The following KBTBD12 variants were observed in gnomAD, a reference collection of about 807,000 sequenced individuals.
KBTBD12 encodes kelch repeat and BTB domain containing 12.
A neutral mutation model predicts 58.7 loss-of-function variants in KBTBD12; 53 were observed. That is an observed-to-expected ratio of 0.90 (90% CI 0.72 to 1.14). KBTBD12 has a LOEUF of 1.14. KBTBD12 is among the 50% of genes most tolerant of loss of function. The pLI is 0.00. For synonymous variants in KBTBD12, 236 were observed against 259.8 expected (o/e 0.91, Z 0.88); for missense variants, 704 against 751.3 (o/e 0.94, Z 0.74).
At chr3:127,945,246 A>G (rs1940054160) in intron 4 of KBTBD12, among the ~76,000 whole-genome samples, 2 of 121,120 alleles carry the variant, frequency 1.7e-5, no homozygotes, top group South Asian at 5.7e-4. Flanking sequence ...GTGCAGTGGC[A>G]TGATCTCGGC....
chr3:127,928,035 G>A lies in KBTBD12; in HGVS notation c.1341+1G>A, dbSNP rs1252830933. The A allele has an allele frequency of 2.5e-6, 4 of 1,612,424 alleles. No homozygotes were observed. The Admixed American group carries it at 5.0e-5, about 20-fold the overall frequency. On this transcript the variant is annotated splice_donor_variant, in intron 3 of 5. Transcript: ENST00000405109. LOFTEE classifies it high-confidence loss of function. ...TGTAATTGGAGGCTGGACCCCTCAGGTTAAGAAATTTCCTGTATACATAAT... is the reference window on the plus strand; with the variant it reads ...TGTAATTGGAGGCTGGACCCCTCAGATTAAGAAATTTCCTGTATACATAAT...
rs765184230 is a variant in KBTBD12 at position 127,984,203 on chromosome 3, C to T, written c.1797C>T (p.Cys599=). The T allele has an allele frequency of 6.2e-7, 1 of 1,613,946 alleles. No individual in the cohort carries two copies. The highest frequency in any genetic ancestry group is 1.1e-5 in the South Asian group (1 of 91,080). Residue 599 remains cysteine, a synonymous_variant, in exon 6 of 6, where the codon TGC becomes TGT. Transcript: ENST00000405109. Reference sequence around the variant, plus strand: ...TCATGCATGACAGCTATGATGTCTGCCTAGTAGCCAGGATGAATCCCCGAG... The same window carrying T: ...TCATGCATGACAGCTATGATGTCTGTCTAGTAGCCAGGATGAATCCCCGAG... ...NVLMHDSYDV[C]LVARMNPRDL...
chr3:127,950,499 G>T (rs905353166), intron 4 of KBTBD12, among the ~76,000 whole-genome samples: 4 of 152,150 alleles, frequency 2.6e-5, no homozygotes, highest in Non-Finnish European at 1.5e-5. Context: ...GACTAATAAT[G>T]TCCATTGAAG....
At chr3:127,922,838 G>A in intron 1 of KBTBD12, 112 bp from the exon 2 acceptor site, 1 of 396,686 alleles carries the variant, frequency 2.5e-6, no homozygotes, top group Non-Finnish European at 4.5e-6. Flanking sequence ...AAACTGCTCT[G>A]CTTGGAGTGA....
At chr3:127,973,934 C>T (rs990241077) in intron 5 of KBTBD12, among the ~76,000 whole-genome samples, 2 of 152,164 alleles carry the variant, frequency 1.3e-5, no homozygotes, top group Non-Finnish European at 2.9e-5. Context: ...CCGTGCCCCC[C>T]AGCCACACCC....
intron 5 of KBTBD12, among the ~76,000 whole-genome samples, chr3:127,982,347 C>T (rs959547827): frequency 6.6e-6 from 1 of 152,190 alleles, no homozygotes; most frequent in Non-Finnish European, 1.5e-5. Context: ...GCTGTGCACA[C>T]GAGCCAGCCC....
At chr3:127,924,482 A>G (rs987633088) in intron 2 of KBTBD12, among the ~76,000 whole-genome samples, 3 of 151,560 alleles carry the variant, frequency 2.0e-5, no homozygotes. Flanking sequence ...TTGAATTTGC[A>G]TAAGTTAAAT....
intron 3 of KBTBD12, among the ~76,000 whole-genome samples, chr3:127,928,610 A>AGGGGTGTGTGTG (rs1160284009): frequency 6.6e-6 from 1 of 152,244 alleles, no homozygotes; most frequent in Non-Finnish European, 1.5e-5. Context: ...GTGAAAAGTC[A>AGGGGTGTGTGTG]GGGGTGTGTG....
intron 5 of KBTBD12, among the ~76,000 whole-genome samples, chr3:127,977,593 AT>A (rs746011039): frequency 3.3e-4 from 50 of 152,162 alleles, no homozygotes; most frequent in Non-Finnish European, 6.2e-4. Flanking sequence ...GATATTAAGC[AT>A]TTTTAATATG....
At position 127,984,262 on chromosome 3, in the gene KBTBD12, A is replaced by G; in HGVS notation, c.1856A>G (p.Glu619Gly). 6.2e-7 allele frequency: 1 copy of G among 1,613,722 alleles called. No homozygotes were observed. ...LIPPPSDLVE[E>G]GNEH ...CCCCCGCCTTCAGATTTGGTGGAAG[A>G]AGGCAATGAGCACTAAGGTGACCTT... is the stretch of plus-strand genomic sequence containing the variant. The change falls in exon 6 of 6, where the codon GAA becomes GGA. Residue 619 changes from glutamate to glycine, a missense_variant. Transcript: ENST00000405109.
At position 127,962,849 on chromosome 3, in the gene KBTBD12, A is replaced by G. The variant is rs138919379; in HGVS notation, c.1493-340A>G. ...CAACAGCAAGGCAGATGTCAAAGTC[A>G]GGTTACCTTTACAGTCAACCCTGAA... On this transcript the variant is annotated intron_variant, in intron 4 of 5. Transcript: ENST00000405109. Among the ~76,000 whole-genome samples the G allele has an allele frequency of 2.2e-3, 342 of 152,356 alleles. 1 individual carries two copies. The highest frequency in any genetic ancestry group is 7.6e-3 in the African/African-American group (314 of 41,576).
At chr3:127,971,860 A>G (rs1307309519) in intron 5 of KBTBD12, among the ~76,000 whole-genome samples, 1 of 152,090 alleles carries the variant, frequency 6.6e-6, no homozygotes, top group Non-Finnish European at 1.5e-5. Context: ...CAGCCCCTCC[A>G]AATCTTCCTT....
In KBTBD12 at chr3:127,918,439, G is replaced by C. The variant is rs189808811; in HGVS notation, c.-113+2853G>C. Among the ~76,000 whole-genome samples the C allele has an allele frequency of 6.1e-4, 93 of 152,236 alleles. No homozygotes were observed. In the South Asian group the frequency reaches 8.9e-3, roughly 15 times the overall value. On this transcript the variant is annotated intron_variant, in intron 1 of 5. Coordinates refer to ENST00000405109, the MANE Select transcript of KBTBD12 (RefSeq NM_207335.4). ...AGACAGAACAGCATGTTAGCCAGGC[G>C]CGGTGGCTCACGCCTGTAATCCCAG...
chr3:127,925,293 A>C (rs1427080212), intron 2 of KBTBD12, among the ~76,000 whole-genome samples: 1 of 152,190 alleles, frequency 6.6e-6, no homozygotes, highest in East Asian at 1.9e-4. Context: ...GGGAGAGACT[A>C]CAGAGCCAGG....
intron 4 of KBTBD12, among the ~76,000 whole-genome samples, chr3:127,931,128 T>C (rs1404502660): frequency 6.6e-6 from 1 of 152,034 alleles, no homozygotes; most frequent in Admixed American, 6.6e-5. Context: ...AGATGATGGA[T>C]AGCAAAGAAA....
At chr3:127,971,108 T>C (rs1360651155) in intron 5 of KBTBD12, among the ~76,000 whole-genome samples, 2 of 151,978 alleles carry the variant, frequency 1.3e-5, no homozygotes, top group African/African-American at 4.8e-5. Context: ...GAGGCAGAAA[T>C]GGCCCATTCC....
chr3:127,937,525 A>AT (rs1170635381), intron 4 of KBTBD12, among the ~76,000 whole-genome samples: 11 of 152,044 alleles, frequency 7.2e-5, no homozygotes, highest in Non-Finnish European at 1.3e-4. Context: ...CATCACAAAG[A>AT]TTTTTTTTAA....
intron 5 of KBTBD12, among the ~76,000 whole-genome samples, chr3:127,977,800 T>C (rs1940808414): frequency 6.6e-6 from 1 of 152,234 alleles, no homozygotes; most frequent in South Asian, 2.1e-4. Flanking sequence ...GTCGATAGTT[T>C]CTTTTGCTGT....
In KBTBD12 at chr3:127,984,235, TC is replaced by T. The variant is rs1187501286; in HGVS notation, c.1835del (p.Pro612ArgfsTer78). On this transcript the variant is annotated frameshift_variant, in exon 6 of 6. Coordinates refer to ENST00000405109, the MANE Select transcript of KBTBD12 (RefSeq NM_207335.4). LOFTEE classifies it high-confidence loss of function. The part of the protein sequence containing the change: ...LVARMNPRDL[I>X]PPPSDLVEEG... ...GCCAGGATGAATCCCCGAGACCTCA[TC>T]CCCCCGCCTTCAGATTTGGTGGAAG... The T allele has an allele frequency of 1.2e-6, 2 of 1,613,656 alleles. No individual in the cohort carries two copies. Among genetic ancestry groups the T allele is most frequent in the Middle Eastern group, 1.6e-4 (1 of 6,062 alleles).
Sources: gnomAD v4.1 joint callset for allele counts (sites outside exome capture counted in the v4.1 genomes callset) on GRCh38, gnomAD v4.1.1 for gene constraint, MANE v1.5 for transcripts, NCBI Gene and HGNC (gene_info 2026-07-23, HGNC 2026-07-21) for gene names.